The following ARHGAP39 variants were observed in gnomAD, a reference collection of about 807,000 sequenced individuals.
ARHGAP39 encodes the protein rho GTPase-activating protein 39.
Under a neutral mutation model 106.9 loss-of-function variants are expected in ARHGAP39, and 44 were observed. That is an observed-to-expected ratio of 0.41 (90% CI 0.32 to 0.53). The LOEUF (loss-of-function observed/expected upper bound fraction) is 0.53. Ranked by LOEUF, ARHGAP39 falls within the 20% of genes least tolerant of loss-of-function variation. The probability of loss-of-function intolerance (pLI) is 0.21; values close to 1 mark genes in which losing one functional copy is unlikely to be tolerated. For synonymous variants in ARHGAP39, 768 were observed against 693.2 expected (o/e 1.11, Z -1.69); for missense variants, 1,496 against 1,577.3 (o/e 0.95, Z 0.87).
At chr8:144,563,367 C>T (rs915190649) in intron 3 of ARHGAP39, among the ~76,000 whole-genome samples, 6 of 152,210 alleles carry the variant, frequency 3.9e-5, no homozygotes, top group Admixed American at 2.0e-4. Flanking sequence ...TCTCACTTTC[C>T]GACCACACAA....
rs1337875616 is a variant in ARHGAP39 at position 144,561,836 on chromosome 8, G to A, written c.513-6193C>T. 6.6e-5 allele frequency among the ~76,000 whole-genome samples: 9 copies of A among 136,870 alleles called. No individual in the cohort carries two copies. The East Asian group carries it at 1.1e-3, about 17-fold the overall frequency. 89.8% of individuals were successfully genotyped at this position (136,870 alleles called of 152,430 possible). A position where few individuals can be genotyped will look rare whatever the true frequency, so the allele number is the denominator to read the frequency against. On this transcript the variant is annotated intron_variant, in intron 3 of 11. Coordinates refer to ENST00000377307, the MANE Select transcript of ARHGAP39 (RefSeq NM_025251.3). ...CCATCACATCCCAGTGGTTTCCATCGGGCTCCAGTGGTTTCCATTGGACTC... is the reference window on the plus strand; with the variant it reads ...CCATCACATCCCAGTGGTTTCCATCAGGCTCCAGTGGTTTCCATTGGACTC...
chr8:144,650,368 T>G (rs1248884840), intron 1 of ARHGAP39, among the ~76,000 whole-genome samples: 1 of 152,004 alleles, frequency 6.6e-6, no homozygotes. Flanking sequence ...TCCAAAAAAT[T>G]GAGGAGGAGG....
chr8:144,688,716 C>A (rs763254409), upstream of ARHGAP39, among the ~76,000 whole-genome samples: 9 of 152,184 alleles, frequency 5.9e-5, no homozygotes, highest in Non-Finnish European at 8.8e-5. Context: ...GAGCGAGACC[C>A]TGTCTCAGAA....
At chr8:144,588,879 G>A (rs1042400171) in intron 2 of ARHGAP39, among the ~76,000 whole-genome samples, 2 of 152,238 alleles carry the variant, frequency 1.3e-5, no homozygotes, top group Non-Finnish European at 2.9e-5. Flanking sequence ...GATCAGGCAC[G>A]TCCAGGCGAG....
intron 10 of ARHGAP39, 28 bp from the exon 11 acceptor site, chr8:144,530,899 C>T (rs775086545): frequency 6.3e-7 from 1 of 1,588,738 alleles, no homozygotes. Flanking sequence ...GGCTCAGCGG[C>T]CCTGCTCGGC....
intron 6 of ARHGAP39, among the ~76,000 whole-genome samples, chr8:144,544,654 C>A (rs1440386362): frequency 6.6e-6 from 1 of 152,254 alleles, no homozygotes; most frequent in East Asian, 1.9e-4. Flanking sequence ...GAGCCCTGGG[C>A]AGACTCTGGC....
rs1161804151 is a variant in ARHGAP39, at chr8:144,685,771, C to G, written c.-167G>C. On this transcript the variant is annotated 5_prime_UTR_variant, in exon 1 of 12. Coordinates refer to ENST00000377307, the MANE Select transcript of ARHGAP39 (RefSeq NM_025251.3). ...TGAGCCAGCCGCCGCTCCCCGGCCT[C>G]TCTGCTGCTCCGCCGCTGCTGCCGC... is the stretch of plus-strand genomic sequence containing the variant. Among the ~76,000 whole-genome samples, 1 of 147,800 alleles carries G rather than the reference C, an allele frequency of 6.8e-6. No individual in the cohort carries two copies. Among genetic ancestry groups the G allele is most frequent in the Non-Finnish European group, 1.5e-5 (1 of 66,334 alleles).
intron 3 of ARHGAP39, among the ~76,000 whole-genome samples, chr8:144,560,991 C>T (rs1393509441): frequency 6.6e-6 from 1 of 152,240 alleles, no homozygotes. Context: ...AAATTAATTA[C>T]ATTGTGTTGA....
chr8:144,584,702 G>A (rs1819117497), intron 2 of ARHGAP39, among the ~76,000 whole-genome samples: 1 of 152,208 alleles, frequency 6.6e-6, no homozygotes, highest in African/African-American at 2.4e-5. Context: ...GGCAGAGGTT[G>A]CAGGCAGCTG....
chr8:144,591,616 C>T lies in ARHGAP39; in HGVS notation c.81-10339G>A, dbSNP rs574783410. ...GCCAGTGGTGCTGGGGGACAGGGTG[C>T]GTGCCAGAAGAGAGGCGAGGGGTGG... On this transcript the variant is annotated intron_variant, in intron 2 of 11. Coordinates refer to ENST00000377307, the MANE Select transcript of ARHGAP39 (RefSeq NM_025251.3). The surrounding 1 kb of genome is among the most constrained non-coding windows in gnomAD (Gnocchi z 5.3). 3.2e-4 allele frequency among the ~76,000 whole-genome samples: 49 copies of T among 151,964 alleles called. 1 individual carries two copies. In the South Asian group the frequency reaches 9.6e-3, roughly 30 times the overall value.
chr8:144,642,656 T>C (rs1458039171), intron 1 of ARHGAP39, among the ~76,000 whole-genome samples: 1 of 152,146 alleles, frequency 6.6e-6, no homozygotes, highest in Non-Finnish European at 1.5e-5. Context: ...TCCTGAGCTG[T>C]TCTCATGACT....
intron 3 of ARHGAP39, among the ~76,000 whole-genome samples, chr8:144,578,853 C>T (rs1818862157): frequency 6.6e-6 from 1 of 150,714 alleles, no homozygotes; most frequent in Admixed American, 6.6e-5. Flanking sequence ...CAAAAACAAA[C>T]AAACAAACAA....
intron 1 of ARHGAP39, among the ~76,000 whole-genome samples, chr8:144,657,022 T>C (rs2129669025): frequency 6.6e-6 from 1 of 152,060 alleles, no homozygotes; most frequent in Non-Finnish European, 1.5e-5. Context: ...GTTAAGACCT[T>C]CCCACAAAGA....
At chr8:144,544,484 A>G (rs907196747) in intron 6 of ARHGAP39, among the ~76,000 whole-genome samples, 31 of 151,930 alleles carry the variant, frequency 2.0e-4, no homozygotes, top group African/African-American at 7.5e-4. Flanking sequence ...GCGTGCGTGC[A>G]TGTGTGTGTG....
chr8:144,538,186 C>G (rs576143473), intron 6 of ARHGAP39, among the ~76,000 whole-genome samples: 17 of 152,354 alleles, frequency 1.1e-4, no homozygotes, highest in Non-Finnish European at 2.1e-4. Context: ...CCCTGCCTGC[C>G]GGTCAGAAAA....
At chr8:144,674,119 G>T (rs1345097208) in intron 1 of ARHGAP39, among the ~76,000 whole-genome samples, 2 of 151,698 alleles carry the variant, frequency 1.3e-5, no homozygotes, top group African/African-American at 2.4e-5. Context: ...CTGCAACGTG[G>T]TGAGTGGTGG....
chr8:144,665,333 T>A (rs1821936502), intron 1 of ARHGAP39, among the ~76,000 whole-genome samples: 1 of 152,180 alleles, frequency 6.6e-6, no homozygotes, highest in African/African-American at 2.4e-5. Flanking sequence ...TGCAGCCTGA[T>A]GATGCAGTAG....
At position 144,581,042 on chromosome 8, in the gene ARHGAP39, G is replaced by T; in HGVS notation, c.316C>A (p.Leu106Met). The T allele has an allele frequency of 6.3e-7, 1 of 1,583,954 alleles. No homozygotes were observed. The highest frequency in any genetic ancestry group is 8.6e-7 in the Non-Finnish European group (1 of 1,165,496). The change falls in exon 3 of 12, where the codon CTG (leucine) becomes ATG (methionine). Residue 106 changes from leucine to methionine, a missense_variant. Coordinates refer to ENST00000377307, the MANE Select transcript of ARHGAP39 (RefSeq NM_025251.3). ...TCCGTGTTCTGCTTCAGCGTCTGCA[G>T]CTTGGCCAGCGGGATGATGTCGCAG... ...QGCDIIPLAK[L>M]QTLKQNTESP...
Position 144,530,375 on chromosome 8 carries a change from CCT to C in ARHGAP39, c.*45_*46del, listed in dbSNP as rs781302056. 8 of 1,539,252 alleles carry C rather than the reference CCT, an allele frequency of 5.2e-6. 2 individuals carry two copies. The South Asian group carries it at 8.4e-5, about 16-fold the overall frequency. On this transcript the variant is annotated 3_prime_UTR_variant, in exon 12 of 12. Transcript: ENST00000377307. ...CCGGGAGAGCGAGTGCGGAGTTCGGCCTGGCTGGGGGCGGCAGGACATCCCTC... is the reference window on the plus strand; with the variant it reads ...CCGGGAGAGCGAGTGCGGAGTTCGGCGGCTGGGGGCGGCAGGACATCCCTC...
Sources: allele counts gnomAD v4.1 joint callset (sites outside exome capture counted in the v4.1 genomes callset), GRCh38; gene constraint gnomAD v4.1.1; non-coding constraint Gnocchi (gnomAD v3.1); transcripts MANE v1.5; gene names NCBI Gene and HGNC (gene_info 2026-07-23, HGNC 2026-07-21).